Variants in PCM1 observed in about 807,000 individuals in gnomAD.
PCM1 encodes the protein pericentriolar material 1 protein.
In PCM1, 157 loss-of-function variants were observed where a neutral mutation model predicts 241.9. The ratio of observed to expected loss-of-function variants is 0.65; its 90% CI spans 0.57 to 0.74. PCM1 has a LOEUF of 0.74. PCM1 is among the 30% of genes least tolerant of loss of function. PCM1 has a pLI of 0.00. For missense variants in PCM1, 3,478 were observed against 2,360.1 expected (o/e 1.47, Z -9.81); for synonymous variants, 1,085 against 784.9 (o/e 1.38, Z -6.39).
At chr8:17,994,720 G>A (rs1431729586) in intron 29 of PCM1, among the ~76,000 whole-genome samples, 1 of 151,618 alleles carries the variant, frequency 6.6e-6, no homozygotes, top group African/African-American at 2.4e-5. Context: ...CTGTCTTTGG[G>A]ATAAGTGCCA....
intron 30 of PCM1, among the ~76,000 whole-genome samples, chr8:18,008,052 C>G (rs2091803007): frequency 6.6e-6 from 1 of 152,204 alleles, no homozygotes; most frequent in African/African-American, 2.4e-5. Context: ...GGAGGGATAG[C>G]TGCCTGGGAA....
At chr8:18,026,762 G>C (rs1049993040) in intron 38 of PCM1, among the ~76,000 whole-genome samples, 1 of 151,938 alleles carries the variant, frequency 6.6e-6, no homozygotes, top group Admixed American at 6.6e-5. Context: ...TTTTGGTTAA[G>C]TATATGTGCA....
rs368600927 is a variant in PCM1, at chr8:17,966,137, A to G, written c.2994A>G (p.Gln998=). 71 of 1,613,868 alleles carry G rather than the reference A, an allele frequency of 4.4e-5. No homozygotes were observed. The highest frequency in any genetic ancestry group is 3.3e-4 in the Middle Eastern group (2 of 6,084). The change falls in exon 19 of 39, where the codon CAA becomes CAG. Residue 998 remains glutamine, a synonymous_variant. Transcript: ENST00000325083. ...SELSYVEEKE[Q]WQEQINQLKK... ...TCTCTTACGTAGAAGAGAAAGAACA[A>G]TGGCAAGAACAAATCAATCAGCTAA... is the stretch of plus-strand genomic sequence containing the variant.
At chr8:18,003,227 T>TCA (rs2090194308) in intron 29 of PCM1, among the ~76,000 whole-genome samples, 1 of 152,174 alleles carries the variant, frequency 6.6e-6, no homozygotes. Flanking sequence ...TTGTAGACAC[T>TCA]CAGTAAACAT....
At chr8:18,013,121 G>T (rs2092722977) in intron 34 of PCM1, among the ~76,000 whole-genome samples, 1 of 152,106 alleles carries the variant, frequency 6.6e-6, no homozygotes, top group South Asian at 2.1e-4. Context: ...CTTTGAGATG[G>T]TTTAGATTCT....
In PCM1 at chr8:17,938,906, A is replaced by T; in HGVS notation, c.509A>T (p.Gln170Leu). The T allele has an allele frequency of 6.2e-7, 1 of 1,613,732 alleles. No homozygotes were observed. The highest frequency in any genetic ancestry group is 1.3e-5 in the African/African-American group (1 of 75,058). Residue 170 changes from glutamine (Q) to leucine (L), a missense_variant, in exon 5 of 39, where the codon CAG becomes CTG. Coordinates refer to ENST00000325083, the MANE Select transcript of PCM1 (RefSeq NM_006197.4). ...PPNRETIGSA[Q>L]CKELFASALS... is the part of the protein sequence containing the mutation. ...AACAGAGAAACGATTGGATCAGCACAGTGTAAAGAGTTGTTTGCTTCTGCT... is the reference window on the plus strand; with the variant it reads ...AACAGAGAAACGATTGGATCAGCACTGTGTAAAGAGTTGTTTGCTTCTGCT...
intron 36 of PCM1, among the ~76,000 whole-genome samples, chr8:18,023,408 G>A (rs208020): frequency 0.076 from 11,540 of 152,052 alleles, 677 homozygotes; most frequent in African/African-American, 0.15. Context: ...TTGGAAAAAT[G>A]GCTTATGGAT....
chr8:17,973,152 G>A (rs1036653737), intron 23 of PCM1, among the ~76,000 whole-genome samples: 8 of 152,134 alleles, frequency 5.3e-5, no homozygotes, highest in African/African-American at 1.9e-4. Context: ...AGTCCTTCTG[G>A]AAGTAAACTC....
At chr8:18,016,034 G>C (rs180886100) in intron 36 of PCM1, among the ~76,000 whole-genome samples, 1 of 152,168 alleles carries the variant, frequency 6.6e-6, no homozygotes, top group Non-Finnish European at 1.5e-5. Context: ...GATTACAGAC[G>C]TGTGTCACCA....
Position 18,011,823 on chromosome 8 carries a change from A to AACAGGTATTCCCG in PCM1, c.5508_5511+9dup. On this transcript the variant is annotated frameshift_variant, in exon 34 of 39. Coordinates refer to ENST00000325083, the MANE Select transcript of PCM1 (RefSeq NM_006197.4). LOFTEE classifies it high-confidence loss of function. Reference sequence around the variant, plus strand: ...GCTACTGAAGAAAATGAACATGATGAACAGGTATTCCCGTATTGACTGACA... The same window carrying AACAGGTATTCCCG: ...GCTACTGAAGAAAATGAACATGATGAACAGGTATTCCCGACAGGTATTCCCGTATTGACTGACA... 6.2e-7 allele frequency: 1 copy of AACAGGTATTCCCG among 1,612,600 alleles called. No homozygotes were observed. Among genetic ancestry groups the AACAGGTATTCCCG allele is most frequent in the Non-Finnish European group, 8.5e-7 (1 of 1,179,418 alleles).
intron 6 of PCM1, chr8:17,940,307 C>T (rs1278557171): frequency 4.1e-6 from 2 of 489,846 alleles, no homozygotes; most frequent in Non-Finnish European, 7.3e-6. Flanking sequence ...ATGTGTTCTT[C>T]TGTATTTAAA....
At position 17,940,016 on chromosome 8, in the gene PCM1, T is replaced by A. The variant is rs1448686722; in HGVS notation, c.783+155T>A. On this transcript the variant is annotated intron_variant, in intron 6 of 38. Coordinates refer to ENST00000325083, the MANE Select transcript of PCM1 (RefSeq NM_006197.4). ...TTTATTGCCCATTTTAATAGTTGTA[T>A]GATTTATACCGCTAAAATATTTCAG... 5 of 1,433,202 alleles carry A rather than the reference T, an allele frequency of 3.5e-6. No homozygotes were observed. The African/African-American group carries it at 5.6e-5, about 16-fold the overall frequency. 88.8% of individuals were successfully genotyped at this position (1,433,202 alleles called of 1,614,324 possible).
At chr8:17,949,611 C>T (rs985344554) in intron 7 of PCM1, among the ~76,000 whole-genome samples, 2 of 151,996 alleles carry the variant, frequency 1.3e-5, no homozygotes, top group East Asian at 1.9e-4. Context: ...GATTCTCTCA[C>T]CCCAGCCTCC....
At chr8:17,926,045 A>G (rs1211116393) in intron 2 of PCM1, 2 of 151,976 alleles carry the variant, frequency 1.3e-5, no homozygotes, top group African/African-American at 4.8e-5. Flanking sequence ...GGCAAGAAAA[A>G]TGGAACTCAA....
intron 15 of PCM1, among the ~76,000 whole-genome samples, chr8:17,961,304 CTTTTTTTTTTTT>C (rs35468848): frequency 3.8e-5 from 3 of 79,140 alleles, no homozygotes; most frequent in Admixed American, 1.9e-4. Flanking sequence ...TATTGGCTAG[CTTTTTTTTTTTT>C]TTTTTTTTTT....
At position 17,965,208 on chromosome 8, in the gene PCM1, C is replaced by T. The variant is rs572366160; in HGVS notation, c.2855+440C>T. ...AGCTTCCATGGTTTCCTCTGTGTGT[C>T]CCACCCTCCCCAGCACTTTGATGTG... On this transcript the variant is annotated intron_variant, in intron 18 of 38. Coordinates refer to ENST00000325083, the MANE Select transcript of PCM1 (RefSeq NM_006197.4). 2.0e-5 allele frequency among the ~76,000 whole-genome samples: 3 copies of T among 152,228 alleles called. No homozygotes were observed. The East Asian group carries it at 5.8e-4, about 29-fold the overall frequency.
intron 26 of PCM1, among the ~76,000 whole-genome samples, chr8:17,989,416 A>G (rs2083717860): frequency 1.3e-5 from 2 of 151,758 alleles, no homozygotes; most frequent in Non-Finnish European, 3.0e-5. Context: ...TGCATTGTAT[A>G]TTAATTATAT....
chr8:18,024,105 G>A (rs370552248), intron 36 of PCM1, among the ~76,000 whole-genome samples: 32 of 152,222 alleles, frequency 2.1e-4, no homozygotes, highest in African/African-American at 7.7e-4. Context: ...AAACATAAGT[G>A]AAACTTAACT....
chr8:17,929,991 C>G (rs1394143517), intron 2 of PCM1, among the ~76,000 whole-genome samples: 1 of 152,084 alleles, frequency 6.6e-6, no homozygotes, highest in Non-Finnish European at 1.5e-5. Context: ...TAACACAAAA[C>G]TGCAGATAAG....
Sources: allele counts gnomAD v4.1 joint callset (sites outside exome capture counted in the v4.1 genomes callset), GRCh38; gene constraint gnomAD v4.1.1; transcripts MANE v1.5; gene names NCBI Gene and HGNC (gene_info 2026-07-23, HGNC 2026-07-21).